MCC: variants seen among roughly 807,000 people sequenced by gnomAD.
MCC encodes colorectal mutant cancer protein.
MCC carries 90 observed loss-of-function variants against 116.2 expected under a neutral mutation model. The observed-to-expected ratio is 0.77, with a 90% confidence interval of 0.65 to 0.92. The LOEUF (loss-of-function observed/expected upper bound fraction) is 0.92. Ranked by LOEUF, MCC falls within the 40% of genes least tolerant of loss-of-function variation. The pLI, the probability that MCC is intolerant of heterozygous loss-of-function variation, is 0.00. For synonymous variants in MCC, 578 were observed against 510.5 expected (o/e 1.13, Z -1.78); for missense variants, 1,516 against 1,312.2 (o/e 1.16, Z -2.40).
At chr5:113,441,093 C>T (rs1278346043) in intron 1 of MCC, among the ~76,000 whole-genome samples, 1 of 152,108 alleles carries the variant, frequency 6.6e-6, no homozygotes, top group African/African-American at 2.4e-5. Flanking sequence ...CCAACACTTT[C>T]GGAGGCTGAG....
intron 1 of MCC, among the ~76,000 whole-genome samples, chr5:113,460,107 G>T (rs1771704676): frequency 6.6e-6 from 1 of 152,158 alleles, no homozygotes; most frequent in Admixed American, 6.6e-5. Context: ...AACATATAAA[G>T]TGTTAATACC....
chr5:113,236,690 C>T (rs558896945), intron 3 of MCC, among the ~76,000 whole-genome samples: 3 of 152,242 alleles, frequency 2.0e-5, no homozygotes, highest in South Asian at 4.1e-4. Flanking sequence ...CTCTGAGGTA[C>T]AATAAATGAT....
chr5:113,115,350 ATC>A (rs1435305044), intron 6 of MCC, among the ~76,000 whole-genome samples: 2 of 152,146 alleles, frequency 1.3e-5, no homozygotes, highest in Non-Finnish European at 2.9e-5. Flanking sequence ...CTGACTATAG[ATC>A]TCTGTTTCTT....
intron 14 of MCC, among the ~76,000 whole-genome samples, chr5:113,054,349 A>G (rs1195874783): frequency 6.6e-6 from 1 of 152,250 alleles, no homozygotes; most frequent in Non-Finnish European, 1.5e-5. Context: ...TTATAGTGAT[A>G]TCGACAATGG....
intron 3 of MCC, among the ~76,000 whole-genome samples, chr5:113,198,868 G>C (rs538693051): frequency 2.6e-4 from 39 of 152,226 alleles, no homozygotes; most frequent in Non-Finnish European, 4.4e-4. Flanking sequence ...AAGTTTCTGA[G>C]TTGGGGGTGG....
At chr5:113,152,406 A>G (rs1759936987) in intron 3 of MCC, among the ~76,000 whole-genome samples, 1 of 152,196 alleles carries the variant, frequency 6.6e-6, no homozygotes, top group Non-Finnish European at 1.5e-5. Flanking sequence ...GGTGGAGCTC[A>G]GACCATCCCC....
intron 3 of MCC, among the ~76,000 whole-genome samples, chr5:113,153,797 T>A (rs1279863445): frequency 5.9e-5 from 9 of 152,218 alleles, no homozygotes; most frequent in Admixed American, 5.2e-4. Flanking sequence ...TGTGTCATCA[T>A]CACAGATGTC....
At chr5:113,220,901 T>C (rs918395803) in intron 3 of MCC, among the ~76,000 whole-genome samples, 66 of 152,262 alleles carry the variant, frequency 4.3e-4, no homozygotes, top group African/African-American at 1.6e-3. Context: ...CACCTAATAC[T>C]AAAAGAAAAG....
chr5:113,294,227 AG>A (rs1479688195), intron 3 of MCC: 22 of 1,431,134 alleles, frequency 1.5e-5, no homozygotes, highest in Non-Finnish European at 2.1e-5. Flanking sequence ...CTGGGAGCAC[AG>A]GGGGATAGGG....
rs142622465 is a variant in MCC, at chr5:113,204,226, A to G, written c.628-52804T>C. ...AGAACAAGAAGGCCAAGGCATACTT[A>G]AAATCATCACAAAGCCTCTTTCTAG... is the stretch of plus-strand genomic sequence containing the variant. On this transcript the variant is annotated intron_variant, in intron 3 of 18. Coordinates refer to ENST00000408903, the MANE Select transcript of MCC (RefSeq NM_001085377.2). Among the ~76,000 whole-genome samples, 30 of 152,358 alleles carry G rather than the reference A, an allele frequency of 2.0e-4. No individual in the cohort carries two copies. The East Asian group carries it at 4.4e-3, about 23-fold the overall frequency.
At chr5:113,359,001 T>C (rs1414907588) in intron 2 of MCC, among the ~76,000 whole-genome samples, 2 of 152,162 alleles carry the variant, frequency 1.3e-5, no homozygotes, top group Non-Finnish European at 2.9e-5. Flanking sequence ...TACAGATAAA[T>C]AGAGTCTATC....
In MCC at chr5:113,023,575, C is replaced by A. The variant is rs1750310609; in HGVS notation, c.*3727G>T. 1 of 152,228 alleles carries A rather than the reference C, an allele frequency of 6.6e-6. No homozygotes were observed. Among genetic ancestry groups the A allele is most frequent in the Admixed American group, 6.5e-5 (1 of 15,286 alleles). 9.4% of individuals were successfully genotyped at this position (152,228 alleles called of 1,614,324 possible). ...TCTCAACCATTACAGAAGTCTCTTA[C>A]TATTTTGGCTCTCAAAATACTCTAA... On this transcript the variant is annotated 3_prime_UTR_variant, in exon 19 of 19. Transcript: ENST00000408903.
intron 6 of MCC, among the ~76,000 whole-genome samples, chr5:113,108,460 C>A (rs751859138): frequency 6.6e-6 from 1 of 151,436 alleles, no homozygotes; most frequent in Non-Finnish European, 1.5e-5. Context: ...TGAGACCAGC[C>A]TGACCAACAT....
At chr5:113,487,504 G>A (rs1772566286) in intron 1 of MCC, among the ~76,000 whole-genome samples, 1 of 152,252 alleles carries the variant, frequency 6.6e-6, no homozygotes, top group South Asian at 2.1e-4. Flanking sequence ...TACCGCCTCT[G>A]TAGGAAGTGC....
intron 8 of MCC, 47 bp from the exon 9 acceptor site, chr5:113,085,357 A>G: frequency 6.4e-7 from 1 of 1,559,016 alleles, no homozygotes; most frequent in Non-Finnish European, 8.7e-7. Context: ...TCCCTGGCTA[A>G]AGAGCAAAAC....
At chr5:113,462,680 C>T (rs1421532794) in intron 1 of MCC, among the ~76,000 whole-genome samples, 1 of 152,234 alleles carries the variant, frequency 6.6e-6, no homozygotes, top group East Asian at 1.9e-4. Flanking sequence ...TGAAAATACA[C>T]TGCTTCTGCA....
chr5:113,250,558 G>T (rs1764758542), intron 3 of MCC, among the ~76,000 whole-genome samples: 1 of 152,138 alleles, frequency 6.6e-6, no homozygotes, highest in African/African-American at 2.4e-5. Context: ...TTTTTAAAAA[G>T]TTACTCAGGT....
chr5:113,214,541 T>C (rs545631728), intron 3 of MCC, among the ~76,000 whole-genome samples: 9 of 152,184 alleles, frequency 5.9e-5, no homozygotes, highest in Admixed American at 6.5e-5. Flanking sequence ...TGAGATCCTA[T>C]AGCAGGCTAG....
intron 4 of MCC, among the ~76,000 whole-genome samples, chr5:113,145,975 A>T (rs1038024566): frequency 6.6e-6 from 1 of 152,236 alleles, no homozygotes; most frequent in African/African-American, 2.4e-5. Flanking sequence ...TAGGGCTTGT[A>T]GCTAAAGGAA....
Sources: gnomAD v4.1 joint callset for allele counts (sites outside exome capture counted in the v4.1 genomes callset) on GRCh38, gnomAD v4.1.1 for gene constraint, MANE v1.5 for transcripts, NCBI Gene and HGNC (gene_info 2026-07-23, HGNC 2026-07-21) for gene names.